The following NCAPG variants were observed in gnomAD, a reference collection of about 807,000 sequenced individuals.
NCAPG encodes the protein condensin complex subunit 3.
In NCAPG, 69 loss-of-function variants were observed where a neutral mutation model predicts 113.1. The ratio of observed to expected loss-of-function variants is 0.61; its 90% CI spans 0.50 to 0.75. NCAPG has a LOEUF of 0.75. Among genes scored for constraint, NCAPG ranks in the 30% least tolerant of loss-of-function variants. The pLI is 0.00. For synonymous variants in NCAPG, 370 were observed against 415.8 expected, an observed-to-expected ratio of 0.89 and a Z score of 1.34; for missense variants, 1,058 against 1,177.0, an observed-to-expected ratio of 0.90 and a Z score of 1.48.
chr4:17,836,115 T>C (rs773052371), intron 14 of NCAPG, among the ~76,000 whole-genome samples: 8 of 152,220 alleles, frequency 5.3e-5, no homozygotes, highest in Non-Finnish European at 1.0e-4. Context: ...CACATCCTTA[T>C]TGACACTTAG....
Position 17,844,319 on chromosome 4 carries a change from A to G in NCAPG, c.*894A>G, listed in dbSNP as rs1233250059. Reference sequence around the variant, plus strand: ...TTGGTCCTCTTTTCTGCAATACCCAACGAAACACCTTTTCTCTTTATTATT... The same window carrying G: ...TTGGTCCTCTTTTCTGCAATACCCAGCGAAACACCTTTTCTCTTTATTATT... On this transcript the variant is annotated 3_prime_UTR_variant, in exon 21 of 21. Coordinates refer to ENST00000251496, the MANE Select transcript of NCAPG (RefSeq NM_022346.5). The G allele has an allele frequency of 6.6e-6, 1 of 152,274 alleles. No homozygotes were observed. The highest frequency in any genetic ancestry group is 1.5e-5 in the Non-Finnish European group (1 of 67,824). The allele number at this position is 152,274 out of a possible 1,614,324, so 9.4% of individuals were successfully genotyped here.
At chr4:17,831,627 G>A (rs1479254187) in intron 13 of NCAPG, among the ~76,000 whole-genome samples, 2 of 152,124 alleles carry the variant, frequency 1.3e-5, no homozygotes, top group Non-Finnish European at 2.9e-5. Context: ...GTACAAGAGC[G>A]AACCACGTGG....
chr4:17,812,186 G>A (rs1409959782), intron 1 of NCAPG, 35 bp from the exon 2 acceptor site: 1 of 1,527,554 alleles, frequency 6.5e-7, no homozygotes, highest in East Asian at 2.3e-5. Flanking sequence ...GATTTTTATC[G>A]GTGCAGTTTA....
At chr4:17,837,028 C>T in intron 14 of NCAPG, 131 bp from the exon 15 acceptor site, 1 of 700,910 alleles carries the variant, frequency 1.4e-6, no homozygotes, top group Non-Finnish European at 2.2e-6. Flanking sequence ...TTTTATTTGC[C>T]TTTAAAGAAT....
chr4:17,812,756 T>C (rs1278219831), intron 2 of NCAPG, among the ~76,000 whole-genome samples, 161 bp from the exon 3 acceptor site: 2 of 152,176 alleles, frequency 1.3e-5, no homozygotes, highest in African/African-American at 2.4e-5. Context: ...AAAATATATA[T>C]ATTTGCTATA....
At chr4:17,823,858 G>T in intron 9 of NCAPG, 88 bp downstream of exon 9, 1 of 1,163,076 alleles carries the variant, frequency 8.6e-7, no homozygotes, top group Non-Finnish European at 1.2e-6. Flanking sequence ...TTTTTGTTTT[G>T]TCTGTTTTGT....
chr4:17,826,710 G>C (rs569725998), intron 11 of NCAPG, among the ~76,000 whole-genome samples: 21 of 152,320 alleles, frequency 1.4e-4, no homozygotes, highest in African/African-American at 5.1e-4. Context: ...AACTACAACA[G>C]AGCATAATAA....
intron 19 of NCAPG, chr4:17,841,671 G>A (rs1722421557): frequency 6.6e-6 from 1 of 151,712 alleles, no homozygotes; most frequent in African/African-American, 2.4e-5. Context: ...TATTCATATT[G>A]TTTTATTCCT....
chr4:17,830,823 G>C (rs111494865), intron 12 of NCAPG, among the ~76,000 whole-genome samples, 174 bp from the exon 13 acceptor site: 1 of 152,008 alleles, frequency 6.6e-6, no homozygotes, highest in Non-Finnish European at 1.5e-5. Context: ...GTGGAGGGGA[G>C]GTATCATGGT....
At chr4:17,842,045 T>C (rs1577216695) in intron 19 of NCAPG, 1 of 364,580 alleles carries the variant, frequency 2.7e-6, no homozygotes, top group Non-Finnish European at 5.1e-6. Context: ...GAACTAAAAT[T>C]TGCCTTCTTT....
chr4:17,829,214 A>G (rs1410319607), intron 12 of NCAPG, among the ~76,000 whole-genome samples: 2 of 152,082 alleles, frequency 1.3e-5, no homozygotes, highest in African/African-American at 4.8e-5. Context: ...TGATAGTACT[A>G]CTCATTCAAA....
Position 17,840,132 on chromosome 4 carries a change from G to A in NCAPG, c.2690G>A (p.Gly897Glu). The A allele has an allele frequency of 1.2e-6, 2 of 1,612,170 alleles. No individual in the cohort carries two copies. Among genetic ancestry groups the A allele is most frequent in the Non-Finnish European group, 1.7e-6 (2 of 1,179,152 alleles). The change falls in exon 18 of 21, where the codon GGA becomes GAA. Residue 897 changes from glycine (G) to glutamate (E), a missense_variant. Transcript: ENST00000251496. ...LEKIKIQLEKGNKEFGDQAEA... is the reference protein window; with the variant it reads ...LEKIKIQLEKENKEFGDQAEA... ...AAAATCAAGATTCAGTTAGAAAAAGGAAATAAAGAATTTGGTGACCAAGCT... is the reference window on the plus strand; with the variant it reads ...AAAATCAAGATTCAGTTAGAAAAAGAAAATAAAGAATTTGGTGACCAAGCT...
chr4:17,842,521 G>C, intron 20 of NCAPG, 142 bp downstream of exon 20: 1 of 658,720 alleles, frequency 1.5e-6, no homozygotes, highest in Non-Finnish European at 2.6e-6. Context: ...TAGGTATATA[G>C]TCTAAAATTC....
At chr4:17,838,145 A>G (rs1195490690) in intron 16 of NCAPG, among the ~76,000 whole-genome samples, 1 of 152,186 alleles carries the variant, frequency 6.6e-6, no homozygotes, top group Non-Finnish European at 1.5e-5. Context: ...CTGGCACAAG[A>G]AAGGAGAATT....
chr4:17,829,348 G>A (rs1472196492), intron 12 of NCAPG, among the ~76,000 whole-genome samples: 1 of 152,192 alleles, frequency 6.6e-6, no homozygotes, highest in Non-Finnish European at 1.5e-5. Flanking sequence ...ATGAGTTCCT[G>A]AATGTAGTAA....
rs186639640 is a variant in NCAPG at position 17,819,492 on chromosome 4, C to T, written c.1118+1404C>T. 1.9e-3 allele frequency among the ~76,000 whole-genome samples: 291 copies of T among 152,034 alleles called. 1 individual carries two copies. The highest frequency in any genetic ancestry group is 6.9e-3 in the African/African-American group (284 of 41,454). ...TCTCGGCTCACTGCATCCTCCGCCT[C>T]CCGGGTTCAAGCGATTCTCTTGCCT... On this transcript the variant is annotated intron_variant, in intron 7 of 20. Coordinates refer to ENST00000251496, the MANE Select transcript of NCAPG (RefSeq NM_022346.5).
rs754181494 is a variant in NCAPG, at chr4:17,837,071, G to C, written c.2110-88G>C. The stretch of plus-strand genomic sequence containing the variant: ...AACTCGAATGGTTTTTGGATGGTTC[G>C]TGTAAAAATACTGTAGGACAGGCTA... On this transcript the variant is annotated intron_variant, in intron 14 of 20. Transcript: ENST00000251496. 7.9e-6 allele frequency: 9 copies of C among 1,139,552 alleles called. No individual in the cohort carries two copies. In the South Asian group the frequency reaches 1.4e-4, roughly 18 times the overall value. 70.6% of individuals were successfully genotyped at this position (1,139,552 alleles called of 1,614,324 possible).
In NCAPG at chr4:17,839,791, G is replaced by A. The variant is rs755721563; in HGVS notation, c.2582G>A (p.Ser861Asn). ...GCCTTGAGTTCTTTAGAACTCAGTAGCCATCTTGCAAAAGATCTTCTGGTT... is the reference window on the plus strand; with the variant it reads ...GCCTTGAGTTCTTTAGAACTCAGTAACCATCTTGCAAAAGATCTTCTGGTT... ...TKALSSLELS[S>N]HLAKDLLVLL... The change falls in exon 17 of 21, where the codon AGC becomes AAC. Residue 861 changes from serine (S) to asparagine (N), a missense_variant. By Grantham distance (46) the Ser-to-Asn change is conservative. Transcript: ENST00000251496. The A allele has an allele frequency of 1.9e-6, 3 of 1,587,658 alleles. No individual in the cohort carries two copies. The East Asian group carries it at 6.8e-5, about 36-fold the overall frequency.
chr4:17,814,266 C>G (rs16895802), intron 3 of NCAPG, among the ~76,000 whole-genome samples: 2,375 of 152,160 alleles, frequency 0.016, 66 homozygotes, highest in East Asian at 0.13. Flanking sequence ...TCACTTTTGG[C>G]CTAAGAGCCA....
Sources: gnomAD v4.1 joint callset for allele counts (sites outside exome capture counted in the v4.1 genomes callset) on GRCh38, gnomAD v4.1.1 for gene constraint, MANE v1.5 for transcripts, NCBI Gene and HGNC (gene_info 2026-07-23, HGNC 2026-07-21) for gene names.